Variants in PHKB observed in about 807,000 individuals in gnomAD.
PHKB encodes phosphorylase b kinase regulatory subunit beta.
A neutral mutation model predicts 152.1 loss-of-function variants in PHKB; 122 were observed. That is an observed-to-expected ratio of 0.80 (90% CI 0.69 to 0.93). PHKB has a LOEUF of 0.93. Among genes scored for constraint, PHKB ranks in the 40% least tolerant of loss-of-function variants. The probability of loss-of-function intolerance (pLI) is 0.00; values close to 1 mark genes in which losing one functional copy is unlikely to be tolerated. For missense variants in PHKB, 1,304 were observed against 1,328.4 expected, an observed-to-expected ratio of 0.98 and a Z score of 0.29; for synonymous variants, 436 against 464.9, an observed-to-expected ratio of 0.94 and a Z score of 0.80.
chr16:47,480,023 G>A (rs776943839), intron 1 of PHKB, among the ~76,000 whole-genome samples: 2 of 152,094 alleles, frequency 1.3e-5, no homozygotes, highest in Non-Finnish European at 2.9e-5. Context: ...ATTTCCAACT[G>A]TTGCTCTTGG....
chr16:47,493,501 C>T (rs921317524), intron 1 of PHKB, among the ~76,000 whole-genome samples: 3 of 152,028 alleles, frequency 2.0e-5, no homozygotes, highest in East Asian at 1.9e-4. Flanking sequence ...AATTTGGGGT[C>T]GTCTTTAGTT....
chr16:47,598,589 C>T, intron 13 of PHKB: 1 of 952,010 alleles, frequency 1.1e-6, no homozygotes, highest in South Asian at 1.5e-5. Flanking sequence ...ATGAACACGC[C>T]CTCGATATAG....
chr16:47,617,287 T>A (rs1972536474), intron 14 of PHKB, among the ~76,000 whole-genome samples: 1 of 149,300 alleles, frequency 6.7e-6, no homozygotes, highest in Non-Finnish European at 1.5e-5. Flanking sequence ...TATTTACATA[T>A]AAAACGATAT....
chr16:47,665,225 G>A (rs2151739024), intron 25 of PHKB: 1 of 444,514 alleles, frequency 2.2e-6, no homozygotes, highest in Non-Finnish European at 4.1e-6. Context: ...CATGAAGATT[G>A]CAGCCAGTTT....
chr16:47,497,803 T>G lies in PHKB; in HGVS notation c.166+315T>G, dbSNP rs144137277. On this transcript the variant is annotated intron_variant, in intron 2 of 30. Coordinates refer to ENST00000323584, the MANE Select transcript of PHKB (RefSeq NM_000293.3). ...TTGATTAATACACAGATATTTCATA[T>G]AAGTATTAATTTGCTCATTTACCTA... 1.8e-4 allele frequency among the ~76,000 whole-genome samples: 28 copies of G among 152,332 alleles called. No individual in the cohort carries two copies. The East Asian group carries it at 5.4e-3, about 29-fold the overall frequency.
intron 6 of PHKB, among the ~76,000 whole-genome samples, chr16:47,539,980 T>G (rs1045307142): frequency 6.6e-6 from 1 of 152,198 alleles, no homozygotes; most frequent in African/African-American, 2.4e-5. Context: ...CCATAAGGTC[T>G]GACTGTCTGC....
intron 13 of PHKB, among the ~76,000 whole-genome samples, chr16:47,606,479 A>T (rs1164855849): frequency 6.6e-6 from 1 of 152,240 alleles, no homozygotes; most frequent in Non-Finnish European, 1.5e-5. Flanking sequence ...CAAGAATGAA[A>T]TAAACATGTT....
chr16:47,667,882 T>C (rs1018513627), intron 25 of PHKB, among the ~76,000 whole-genome samples: 3 of 152,194 alleles, frequency 2.0e-5, no homozygotes, highest in South Asian at 2.1e-4. Flanking sequence ...TGCTCCTACA[T>C]CCTGGAAGCC....
At chr16:47,519,480 C>G (rs925455036) in intron 6 of PHKB, among the ~76,000 whole-genome samples, 1 of 152,116 alleles carries the variant, frequency 6.6e-6, no homozygotes, top group African/African-American at 2.4e-5. Context: ...ACTGGAAGAC[C>G]CACTTCTGAG....
At chr16:47,664,163 T>C (rs980380831) in intron 24 of PHKB, 1 of 167,120 alleles carries the variant, frequency 6.0e-6, no homozygotes, top group African/African-American at 2.4e-5. Context: ...TGAATCCCAG[T>C]GATTGTAGTT....
At chr16:47,538,510 G>A (rs988911736) in intron 6 of PHKB, among the ~76,000 whole-genome samples, 6 of 152,234 alleles carry the variant, frequency 3.9e-5, no homozygotes, top group African/African-American at 1.4e-4. Context: ...ATTTCTGTGA[G>A]GCCTTAACAC....
chr16:47,628,788 G>A (rs1972761246), intron 14 of PHKB, among the ~76,000 whole-genome samples: 2 of 152,170 alleles, frequency 1.3e-5, no homozygotes, highest in Admixed American at 1.3e-4. Flanking sequence ...CAAGGCTGCA[G>A]TAACCAAAAC....
At chr16:47,569,684 A>G (rs1971625410) in intron 7 of PHKB, among the ~76,000 whole-genome samples, 1 of 152,108 alleles carries the variant, frequency 6.6e-6, no homozygotes, top group African/African-American at 2.4e-5. Flanking sequence ...CAGTGGCATG[A>G]TCTTGGCTCA....
chr16:47,621,372 C>T (rs1972614275), intron 14 of PHKB, among the ~76,000 whole-genome samples: 1 of 152,170 alleles, frequency 6.6e-6, no homozygotes, highest in South Asian at 2.1e-4. Context: ...CATTATATAG[C>T]ACTCCTACAA....
chr16:47,510,675 CA>C (rs1970495049), intron 4 of PHKB, among the ~76,000 whole-genome samples: 1 of 151,710 alleles, frequency 6.6e-6, no homozygotes, highest in South Asian at 2.1e-4. Flanking sequence ...GGTGAGGGTT[CA>C]AAAAGTATAA....
intron 16 of PHKB, 52 bp downstream of exon 16, chr16:47,641,744 G>C: frequency 1.0e-6 from 1 of 966,718 alleles, no homozygotes; most frequent in Non-Finnish European, 1.7e-6. Flanking sequence ...ACTAGAGCTT[G>C]ATGGTTGGAC....
intron 1 of PHKB, among the ~76,000 whole-genome samples, chr16:47,467,937 C>A (rs1360066179): frequency 6.6e-6 from 1 of 152,160 alleles, no homozygotes; most frequent in Non-Finnish European, 1.5e-5. Context: ...ATATGGTGGG[C>A]ATTTCAAATG....
intron 20 of PHKB, among the ~76,000 whole-genome samples, chr16:47,658,505 G>T (rs1455912096): frequency 1.3e-5 from 2 of 151,970 alleles, no homozygotes; most frequent in African/African-American, 4.8e-5. Context: ...CACAGAGAGG[G>T]TCATATGTGT....
chr16:47,566,860 TC>T (rs1971577837), intron 7 of PHKB: 2 of 707,820 alleles, frequency 2.8e-6, no homozygotes, highest in Non-Finnish European at 5.2e-6. Flanking sequence ...GAGAGAGTCT[TC>T]CCCTTCTTAT....
Sources: gnomAD v4.1 joint callset for allele counts (sites outside exome capture counted in the v4.1 genomes callset) on GRCh38, gnomAD v4.1.1 for gene constraint, MANE v1.5 for transcripts, NCBI Gene and HGNC (gene_info 2026-07-23, HGNC 2026-07-21) for gene names.